RMND1: variants seen among roughly 807,000 people sequenced by gnomAD.
RMND1 encodes the protein required for meiotic nuclear division 1 homolog, also known as required for meiotic nuclear division protein 1 homolog.
Under a neutral mutation model 54.0 loss-of-function variants are expected in RMND1, and 41 were observed. The observed-to-expected ratio is 0.76, with a 90% CI of 0.59 to 0.98. The LOEUF is 0.98. RMND1 is among the 50% of genes least tolerant of loss of function. The probability of loss-of-function intolerance (pLI) is 0.00; values close to 1 mark genes in which losing one functional copy is unlikely to be tolerated. For missense variants in RMND1, 457 were observed against 532.0 expected (o/e 0.86, Z 1.39); for synonymous variants, 183 against 181.7 (o/e 1.01, Z -0.06).
intron 8 of RMND1, 37 bp from the exon 9 acceptor site, chr6:151,421,358 G>GT (rs776628892): frequency 3.4e-4 from 503 of 1,474,826 alleles, no homozygotes; most frequent in Non-Finnish European, 4.3e-4. Flanking sequence ...AAAAAACCAT[G>GT]TATCTCTCTT....
intron 9 of RMND1, among the ~76,000 whole-genome samples, chr6:151,419,412 A>T (rs1228578270): frequency 2.0e-5 from 3 of 151,976 alleles, no homozygotes; most frequent in Non-Finnish European, 4.4e-5. Flanking sequence ...ATGAAAGTAC[A>T]CATAAACTGA....
At chr6:151,451,571 C>T (rs1000620560) in intron 1 of RMND1, among the ~76,000 whole-genome samples, 19 of 152,224 alleles carry the variant, frequency 1.2e-4, no homozygotes, top group African/African-American at 4.6e-4. Flanking sequence ...GTGTTTTTTC[C>T]TATTATATCT....
intron 1 of RMND1, among the ~76,000 whole-genome samples, chr6:151,446,946 T>A (rs1001184452): frequency 9.9e-5 from 15 of 152,154 alleles, no homozygotes; most frequent in Middle Eastern, 3.4e-3. Flanking sequence ...ATTCTTTTTT[T>A]AAAAATAATA....
chr6:151,423,656 C>T, intron 6 of RMND1, 25 bp from the exon 7 acceptor site: 1 of 1,439,636 alleles, frequency 6.9e-7, no homozygotes, highest in South Asian at 1.1e-5. Flanking sequence ...AAGATAATAC[C>T]TTCTAAATCT....
rs560127606 is a variant in RMND1, at chr6:151,405,370, G to T, written c.1318-103C>A. 5.0e-4 allele frequency: 565 copies of T among 1,124,938 alleles called. 2 individuals are homozygous for T. Among genetic ancestry groups the T allele is most frequent in the Non-Finnish European group, 2.6e-4 (194 of 757,298 alleles). 69.7% of individuals were successfully genotyped at this position (1,124,938 alleles called of 1,614,324 possible). A position where few individuals can be genotyped will look rare whatever the true frequency, so the allele number is the denominator to read the frequency against. Reference sequence around the variant, plus strand: ...TAATGAGAAATGCTCCTGAAGTAAGGTAAATGTTTGCCCTTTCTCACGTGG... The same window carrying T: ...TAATGAGAAATGCTCCTGAAGTAAGTTAAATGTTTGCCCTTTCTCACGTGG... On this transcript the variant is annotated intron_variant, in intron 11 of 11. Transcript: ENST00000444024.
intron 9 of RMND1, among the ~76,000 whole-genome samples, chr6:151,419,655 C>G: frequency 8.4e-6 from 1 of 118,652 alleles, no homozygotes; most frequent in South Asian, 2.7e-4. Context: ...GTCTGGGTGA[C>G]AAGCAAGACC....
At chr6:151,430,632 AG>A (rs1249010430) in intron 4 of RMND1, among the ~76,000 whole-genome samples, 20 of 152,218 alleles carry the variant, frequency 1.3e-4, no homozygotes, top group Admixed American at 1.3e-3. Flanking sequence ...AGATGGTTAA[AG>A]GCCTCTATGG....
chr6:151,418,151 T>C (rs970709666), intron 9 of RMND1, among the ~76,000 whole-genome samples: 4 of 152,224 alleles, frequency 2.6e-5, no homozygotes, highest in African/African-American at 4.8e-5. Context: ...TGGTGGTTCA[T>C]GCCTGTAATC....
chr6:151,436,268 G>A, intron 3 of RMND1, 178 bp downstream of exon 3: 1 of 651,466 alleles, frequency 1.5e-6, no homozygotes, highest in East Asian at 3.0e-5. Flanking sequence ...TGAGTTCTCT[G>A]TAAATACATT....
chr6:151,419,697 C>T (rs1232371975), intron 9 of RMND1, among the ~76,000 whole-genome samples: 2 of 144,054 alleles, frequency 1.4e-5, no homozygotes, highest in African/African-American at 5.2e-5. Context: ...AAAAGTAACA[C>T]ATACATACCT....
At chr6:151,429,129 T>G (rs1296136555) in intron 5 of RMND1, among the ~76,000 whole-genome samples, 1 of 152,040 alleles carries the variant, frequency 6.6e-6, no homozygotes, top group Non-Finnish European at 1.5e-5. Context: ...CCCGCTTTTT[T>G]TTTTTTTTGA....
chr6:151,443,465 C>T (rs193107595), intron 2 of RMND1, among the ~76,000 whole-genome samples: 2 of 152,126 alleles, frequency 1.3e-5, no homozygotes, highest in Admixed American at 1.3e-4. Flanking sequence ...GTGTGCACCA[C>T]TACGCCTGGC....
At chr6:151,422,886 G>A (rs935584250) in intron 7 of RMND1, among the ~76,000 whole-genome samples, 1 of 152,100 alleles carries the variant, frequency 6.6e-6, no homozygotes, top group African/African-American at 2.4e-5. Flanking sequence ...GAGGAGGGTA[G>A]GGTACACCTT....
chr6:151,421,107 T>C (rs1428608140), intron 9 of RMND1, 138 bp downstream of exon 9: 2 of 650,708 alleles, frequency 3.1e-6, no homozygotes, highest in Admixed American at 3.1e-5. Flanking sequence ...GAGTTCTCCC[T>C]GCTTATAATC....
At chr6:151,437,523 T>G (rs918337419) in intron 2 of RMND1, among the ~76,000 whole-genome samples, 3 of 152,208 alleles carry the variant, frequency 2.0e-5, no homozygotes, top group Non-Finnish European at 2.9e-5. Context: ...ATGGGGTTGT[T>G]GTAAAGTTTA....
At chr6:151,442,909 A>AC (rs1188547263) in intron 2 of RMND1, among the ~76,000 whole-genome samples, 1 of 152,116 alleles carries the variant, frequency 6.6e-6, no homozygotes, top group Non-Finnish European at 1.5e-5. Context: ...TGAAAATGAG[A>AC]CCAGGTAAAG....
At chr6:151,428,013 C>CACCTGTAGTCCCAGCT (rs1304988542) in intron 5 of RMND1, among the ~76,000 whole-genome samples, 2 of 152,074 alleles carry the variant, frequency 1.3e-5, no homozygotes, top group African/African-American at 2.4e-5. Flanking sequence ...TGGTGATGTA[C>CACCTGTAGTCCCAGCT]ACCTGTAGTC....
intron 6 of RMND1, among the ~76,000 whole-genome samples, chr6:151,426,920 C>T (rs1277863715): frequency 6.6e-6 from 1 of 151,210 alleles, no homozygotes; most frequent in Non-Finnish European, 1.5e-5. Flanking sequence ...CAAGCACCCG[C>T]CACCATAACC....
chr6:151,417,283 A>G lies in RMND1; in HGVS notation c.1196T>C (p.Val399Ala), dbSNP rs1185587034. ...TTAGAAGTGCAAAATACGTACCTTA[A>G]CTCTTCGGCCAATGCTAAGGAATTG... is the stretch of plus-strand genomic sequence containing the variant. ...TCQFLSIGRR[V>A]KVMNEKLQHC... Residue 399 changes from valine (V) to alanine (A), a missense_variant, in exon 10 of 12, where the codon GTT becomes GCT. Val to Ala is a moderately conservative substitution (Grantham distance 64, BLOSUM62 0). Transcript: ENST00000444024. The G allele has an allele frequency of 6.2e-7, 1 of 1,609,232 alleles. No homozygotes were observed. Among genetic ancestry groups the G allele is most frequent in the East Asian group, 2.2e-5 (1 of 44,830 alleles).
Sources: gnomAD v4.1 joint callset for allele counts (sites outside exome capture counted in the v4.1 genomes callset) on GRCh38, gnomAD v4.1.1 for gene constraint, MANE v1.5 for transcripts, NCBI Gene and HGNC (gene_info 2026-07-23, HGNC 2026-07-21) for gene names.